IPO11: variants seen among roughly 807,000 people sequenced by gnomAD.
The protein encoded by IPO11 is importin-11.
In IPO11, 66 loss-of-function variants were observed where a neutral mutation model predicts 143.2. That is an observed-to-expected ratio of 0.46 (90% CI 0.38 to 0.57). IPO11 has a LOEUF of 0.57. IPO11 is among the 20% of genes least tolerant of loss of function. The probability of loss-of-function intolerance (pLI) is 0.00; values close to 1 mark genes in which losing one functional copy is unlikely to be tolerated. For missense variants in IPO11, 1,026 were observed against 1,141.0 expected (o/e 0.90, Z 1.45); for synonymous variants, 385 against 377.8 (o/e 1.02, Z -0.22).
chr5:62,515,334 AT>A, intron 19 of IPO11, 53 bp from the exon 20 acceptor site: 2 of 1,175,368 alleles, frequency 1.7e-6, no homozygotes, highest in Non-Finnish European at 2.5e-6. Context: ...TTCAAAGTAA[AT>A]TGCCTTCTTT....
intron 29 of IPO11, among the ~76,000 whole-genome samples, chr5:62,616,032 A>G (rs1746117409): frequency 7.0e-6 from 1 of 142,536 alleles, no homozygotes; most frequent in South Asian, 2.6e-4. Flanking sequence ...CAAGTCATTA[A>G]AAGTGGAAGA....
rs368055514 is a variant in IPO11 at position 62,572,638 on chromosome 5, A to G, written c.2582+11381A>G. ...CTCTGGTTGCCCAGGCTGGAGTGCAATGGCATGATCTTGGCTCACTGCAGC... is the reference window on the plus strand; with the variant it reads ...CTCTGGTTGCCCAGGCTGGAGTGCAGTGGCATGATCTTGGCTCACTGCAGC... On this transcript the variant is annotated intron_variant, in intron 27 of 29. Transcript: ENST00000325324. 1.7e-4 allele frequency among the ~76,000 whole-genome samples: 25 copies of G among 148,648 alleles called. No individual in the cohort carries two copies. In the East Asian group the frequency reaches 2.8e-3, roughly 17 times the overall value.
intron 19 of IPO11, among the ~76,000 whole-genome samples, chr5:62,511,511 T>G (rs1741746823): frequency 6.6e-6 from 1 of 152,212 alleles, no homozygotes; most frequent in African/African-American, 2.4e-5. Context: ...TTCACTTATA[T>G]CTTACTGAGA....
chr5:62,442,842 C>T (rs1050268304), intron 2 of IPO11, 141 bp from the exon 3 acceptor site: 13 of 440,858 alleles, frequency 2.9e-5, no homozygotes, highest in Middle Eastern at 5.7e-4. Context: ...CCAGCCTGGG[C>T]GACGAGAGTG....
intron 5 of IPO11, among the ~76,000 whole-genome samples, chr5:62,457,029 G>A (rs1745185081): frequency 6.6e-6 from 1 of 152,088 alleles, no homozygotes; most frequent in Non-Finnish European, 1.5e-5. Flanking sequence ...GCAGTGAGCC[G>A]AGATCACGCC....
chr5:62,483,193 T>TG lies in IPO11; in HGVS notation c.923dup (p.Glu309Ter). On this transcript the variant is annotated frameshift_variant, in exon 10 of 30. Transcript: ENST00000325324. LOFTEE classifies it high-confidence loss of function. ...CTGTAAGCTATGTTTTTACAGAAGTTGGTGAAGGCGTTACATTTGAACGAT... is the reference window on the plus strand; with the variant it reads ...CTGTAAGCTATGTTTTTACAGAAGTTGGGTGAAGGCGTTACATTTGAACGAT... 6.2e-7 allele frequency: 1 copy of TG among 1,609,604 alleles called. No homozygotes were observed. The highest frequency in any genetic ancestry group is 8.5e-7 in the Non-Finnish European group (1 of 1,176,594).
At chr5:62,434,326 CAG>C (rs1287752991) in intron 1 of IPO11, among the ~76,000 whole-genome samples, 2 of 151,886 alleles carry the variant, frequency 1.3e-5, no homozygotes, top group Non-Finnish European at 1.5e-5. Context: ...TGTTTTGAGA[CAG>C]GGTTTCTCTG....
In IPO11 at chr5:62,487,798, A is replaced by C; in HGVS notation, c.1246A>C (p.Ile416Leu). 6.2e-7 allele frequency: 1 copy of C among 1,608,204 alleles called. No individual in the cohort carries two copies. ...ATGCACTGAAGTATTATTTATAGAT[A>C]TATTCCATGAATATAATCAGACTCT... ...RPCTEVLFID[I>L]FHEYNQTLTP... The change falls in exon 13 of 30, where the codon ATA becomes CTA. Residue 416 changes from isoleucine to leucine, a missense_variant. Transcript: ENST00000325324.
intron 5 of IPO11, among the ~76,000 whole-genome samples, chr5:62,454,409 T>G (rs1745051971): frequency 6.6e-6 from 1 of 152,190 alleles, no homozygotes; most frequent in African/African-American, 2.4e-5. Context: ...GTCTAGAAGA[T>G]TCTTGGTTAC....
intron 16 of IPO11, among the ~76,000 whole-genome samples, chr5:62,501,721 C>A (rs577231968): frequency 2.0e-5 from 3 of 152,014 alleles, no homozygotes; most frequent in Admixed American, 2.0e-4. Flanking sequence ...TTATGCCTAG[C>A]GTGGAGTCAA....
intron 16 of IPO11, among the ~76,000 whole-genome samples, chr5:62,502,583 T>C (rs1359779610): frequency 6.6e-6 from 1 of 152,196 alleles, no homozygotes; most frequent in Non-Finnish European, 1.5e-5. Context: ...TCATCTTAAT[T>C]CATTTCACCT....
At chr5:62,535,145 T>C (rs1413982830) in intron 22 of IPO11, among the ~76,000 whole-genome samples, 1 of 151,826 alleles carries the variant, frequency 6.6e-6, no homozygotes, top group Non-Finnish European at 1.5e-5. Context: ...CTAATTTGTA[T>C]AGAACGATCC....
At position 62,506,535 on chromosome 5, in the gene IPO11, T is replaced by A. The variant is rs544146067; in HGVS notation, c.1782+178T>A. Reference sequence around the variant, plus strand: ...ATTGACATATTCGATTTTCTAAAAATGAGAAAATTAAAATACTAAAAAAAA... The same window carrying A: ...ATTGACATATTCGATTTTCTAAAAAAGAGAAAATTAAAATACTAAAAAAAA... On this transcript the variant is annotated intron_variant, in intron 19 of 29. Transcript: ENST00000325324. Among the ~76,000 whole-genome samples the A allele has an allele frequency of 5.6e-3, 851 of 151,974 alleles. 2 individuals are homozygous for A. The highest frequency in any genetic ancestry group is 0.017 in the Middle Eastern group (5 of 294).
At chr5:62,430,509 A>G (rs1048984452) in intron 1 of IPO11, among the ~76,000 whole-genome samples, 1 of 150,870 alleles carries the variant, frequency 6.6e-6, no homozygotes, top group Non-Finnish European at 1.5e-5. Flanking sequence ...TTTGGTAGAG[A>G]TGGGTTTTCG....
At chr5:62,551,479 A>G (rs889668106) in intron 26 of IPO11, 143 bp downstream of exon 26, 8 of 501,268 alleles carry the variant, frequency 1.6e-5, no homozygotes, top group Admixed American at 9.6e-5. Flanking sequence ...TGCTGTATCA[A>G]TAATTTGGGG....
At chr5:62,616,719 CAAAAAAAAAAAAAAA>C (rs538760503) in intron 29 of IPO11, among the ~76,000 whole-genome samples, 1 of 84,428 alleles carries the variant, frequency 1.2e-5, no homozygotes, top group African/African-American at 5.2e-5. Flanking sequence ...GACTCTGACT[CAAAAAAAAAAAAAAA>C]AAAAAAAAAA....
intron 19 of IPO11, among the ~76,000 whole-genome samples, chr5:62,513,971 C>T (rs1018595908): frequency 6.7e-6 from 1 of 148,428 alleles, no homozygotes; most frequent in African/African-American, 2.5e-5. Context: ...GGGGCAGAGG[C>T]GCTCCCCACA....
chr5:62,423,348 G>A (rs1031727921), intron 1 of IPO11, among the ~76,000 whole-genome samples: 4 of 152,114 alleles, frequency 2.6e-5, no homozygotes, highest in African/African-American at 4.8e-5. Context: ...CTAGGTAATG[G>A]CATTTATAGA....
intron 24 of IPO11, among the ~76,000 whole-genome samples, chr5:62,539,849 G>A (rs542274065): frequency 2.0e-5 from 3 of 152,258 alleles, no homozygotes; most frequent in African/African-American, 7.2e-5. Flanking sequence ...TTCAGCTTTT[G>A]CTTTGGTGAT....
Sources: gnomAD v4.1 joint callset for allele counts (sites outside exome capture counted in the v4.1 genomes callset) on GRCh38, gnomAD v4.1.1 for gene constraint, MANE v1.5 for transcripts, NCBI Gene and HGNC (gene_info 2026-07-23, HGNC 2026-07-21) for gene names.